The following EPS15L1 variants were observed in gnomAD, a reference collection of about 807,000 sequenced individuals.
EPS15L1 encodes the protein epidermal growth factor receptor pathway substrate 15 like 1, also known as epidermal growth factor receptor substrate 15-like 1.
Under a neutral mutation model 117.1 loss-of-function variants are expected in EPS15L1, and 43 were observed. The observed-to-expected ratio is 0.37, with a 90% CI of 0.29 to 0.47. The LOEUF (loss-of-function observed/expected upper bound fraction) is 0.47. EPS15L1 is among the 20% of genes least tolerant of loss of function. The pLI, the probability that EPS15L1 is intolerant of heterozygous loss-of-function variation, is 0.99. For synonymous variants in EPS15L1, 459 were observed against 470.5 expected (o/e 0.98, Z 0.32); for missense variants, 981 against 1,164.0 (o/e 0.84, Z 2.29).
rs2290667 is a variant in EPS15L1 at position 16,394,043 on chromosome 19, C to A, written c.1916-42G>T. 5,970 of 1,600,740 alleles carry A rather than the reference C, an allele frequency of 3.7e-3. 207 individuals are homozygous for A. In the East Asian group the frequency reaches 0.067, roughly 18 times the overall value. ...AGAAATGCTTATTAGCTCTAGGGCA[C>A]AGGATGCGGGCCGGGCCCTTGGACA... On this transcript the variant is annotated intron_variant, in intron 17 of 23. Coordinates refer to ENST00000455140, the MANE Select transcript of EPS15L1 (RefSeq NM_001258374.3).
intron 13 of EPS15L1, among the ~76,000 whole-genome samples, chr19:16,406,108 T>G (rs1454915177): frequency 6.6e-6 from 1 of 152,086 alleles, no homozygotes. Context: ...CAGCCTGGGC[T>G]GCTGGGGTGG....
intron 22 of EPS15L1, among the ~76,000 whole-genome samples, chr19:16,367,536 C>T (rs1251079178): frequency 6.9e-6 from 1 of 145,040 alleles, no homozygotes; most frequent in African/African-American, 2.6e-5. Context: ...ACTTGGTGGC[C>T]GGCTCCACCC....
In EPS15L1 at chr19:16,377,108, G is replaced by GAAAGCTTACTGACA. The variant is rs2092306373; in HGVS notation, c.2380+13_2380+14insTGTCAGTAAGCTTT. 1.3e-6 allele frequency: 2 copies of GAAAGCTTACTGACA among 1,586,386 alleles called. No individual in the cohort carries two copies. The highest frequency in any genetic ancestry group is 3.8e-5 in the Admixed American group (2 of 53,172). On this transcript the variant is annotated intron_variant, in intron 22 of 23. Transcript: ENST00000455140. ...CCGGTAGGCGGTGGCTGCGAGAGAA[G>GAAAGCTTACTGACA]AAAGCTTACTGACCGCTGGGCGGTT...
At chr19:16,433,255 G>C (rs954986138) in intron 7 of EPS15L1, among the ~76,000 whole-genome samples, 4 of 151,910 alleles carry the variant, frequency 2.6e-5, no homozygotes, top group Non-Finnish European at 4.4e-5. Context: ...AGCCTCCCAA[G>C]TGTCTGGGAT....
intron 3 of EPS15L1, 112 bp downstream of exon 3, chr19:16,441,780 C>CT (rs1180854251): frequency 2.6e-6 from 2 of 783,636 alleles, no homozygotes; most frequent in East Asian, 5.1e-5. Flanking sequence ...GACCAGGCCA[C>CT]TACCCAGGAG....
At chr19:16,436,824 AAAATGTTCTGAACAACATC>A in intron 6 of EPS15L1, 94 bp downstream of exon 6, 3 of 836,950 alleles carry the variant, frequency 3.6e-6, no homozygotes, top group Non-Finnish European at 3.8e-6. Context: ...ATCATCCTAT[AAAATGTTCTGAACAACATC>A]AAACTAGAAC....
intron 1 of EPS15L1, among the ~76,000 whole-genome samples, chr19:16,469,562 C>T (rs1279770167): frequency 3.3e-5 from 5 of 152,054 alleles, no homozygotes; most frequent in Non-Finnish European, 1.5e-5. Context: ...GAGGTGCAGA[C>T]CTTTCGAATT....
chr19:16,436,914 G>A, intron 6 of EPS15L1, 23 bp downstream of exon 6: 8 of 1,591,764 alleles, frequency 5.0e-6, no homozygotes, highest in Non-Finnish European at 6.9e-6. Context: ...GAGCCAAGGA[G>A]GGAGCTATTC....
chr19:16,355,814 C>G lies in EPS15L1; in HGVS notation c.2624G>C (p.Arg875Pro), dbSNP rs988422900. ...CTCCTGTTCCGCCTTCTCGCTCTCC[C>G]GCTTGGCCCACGCCAGCTGCTGCTC... Reference protein sequence around the residue: ...NEEQQLAWAKRESEKAEQERL... With the variant: ...NEEQQLAWAKPESEKAEQERL... The change falls in exon 24 of 24, where the codon CGG (arginine) becomes CCG (proline). Residue 875 changes from arginine to proline, a missense_variant. Arg to Pro is a moderately radical substitution (Grantham distance 103, BLOSUM62 -2). This residue lies in a region of EPS15L1 where 819 missense variants were observed against 949.0 expected (regional missense o/e 0.86). Coordinates refer to ENST00000455140, the MANE Select transcript of EPS15L1 (RefSeq NM_001258374.3). 2 of 1,536,140 alleles carry G rather than the reference C, an allele frequency of 1.3e-6. No homozygotes were observed. Among genetic ancestry groups the G allele is most frequent in the Non-Finnish European group, 1.7e-6 (2 of 1,146,858 alleles).
At chr19:16,450,763 G>T (rs1264907999) in intron 1 of EPS15L1, among the ~76,000 whole-genome samples, 1 of 151,420 alleles carries the variant, frequency 6.6e-6, no homozygotes, top group Non-Finnish European at 1.5e-5. Context: ...GATTACAGGC[G>T]TGAGCCACCA....
At chr19:16,440,212 C>T (rs1453734127) in intron 4 of EPS15L1, among the ~76,000 whole-genome samples, 3 of 152,082 alleles carry the variant, frequency 2.0e-5, no homozygotes, top group African/African-American at 4.8e-5. Flanking sequence ...GTGGGCAGAT[C>T]ACCTGAGGTC....
chr19:16,355,480 G>A lies in EPS15L1; in HGVS notation c.*225C>T, dbSNP rs2091968541. On this transcript the variant is annotated 3_prime_UTR_variant, in exon 24 of 24. Coordinates refer to ENST00000455140, the MANE Select transcript of EPS15L1 (RefSeq NM_001258374.3). ...TCAGCCCCGGGGGGGATGGCACAGTGGAGAGACGGACCTGCAGAAGTGGTG... is the reference window on the plus strand; with the variant it reads ...TCAGCCCCGGGGGGGATGGCACAGTAGAGAGACGGACCTGCAGAAGTGGTG... 2 of 550,204 alleles carry A rather than the reference G, an allele frequency of 3.6e-6. No individual in the cohort carries two copies. The highest frequency in any genetic ancestry group is 6.3e-5 in the Admixed American group (2 of 31,680). 34.1% of individuals were successfully genotyped at this position (550,204 alleles called of 1,614,324 possible). A position where few individuals can be genotyped will look rare whatever the true frequency, so the allele number is the denominator to read the frequency against.
chr19:16,417,709 C>A, intron 11 of EPS15L1, 72 bp from the exon 12 acceptor site: 1 of 1,360,940 alleles, frequency 7.3e-7, no homozygotes, highest in Non-Finnish European at 1.0e-6. Flanking sequence ...ACCAGCAGTT[C>A]TCGGGCCCAG....
chr19:16,362,983 A>G (rs1301756365), intron 22 of EPS15L1, among the ~76,000 whole-genome samples: 3 of 152,106 alleles, frequency 2.0e-5, no homozygotes, highest in Non-Finnish European at 4.4e-5. Flanking sequence ...ATGGAGGAAA[A>G]TGACACTGTG....
At chr19:16,421,682 A>G (rs1038685139) in intron 9 of EPS15L1, among the ~76,000 whole-genome samples, 8 of 152,028 alleles carry the variant, frequency 5.3e-5, no homozygotes, top group Non-Finnish European at 7.4e-5. Flanking sequence ...GGCTCTGTGA[A>G]GCTCACCCAG....
chr19:16,448,008 G>A lies in EPS15L1; in HGVS notation c.34-5789C>T, dbSNP rs573150739. ...CAAAAGTATTTCAGGAGGAAGGAAA[G>A]CCTTTCCACAAAGGGCACTGGAGCA... On this transcript the variant is annotated intron_variant, in intron 1 of 23. Coordinates refer to ENST00000455140, the MANE Select transcript of EPS15L1 (RefSeq NM_001258374.3). Among the ~76,000 whole-genome samples the A allele has an allele frequency of 3.9e-5, 6 of 152,298 alleles. No individual in the cohort carries two copies. The East Asian group carries it at 9.6e-4, about 24-fold the overall frequency.
intron 22 of EPS15L1, 96 bp from the exon 23 acceptor site, chr19:16,362,080 C>A (rs2092063002): frequency 1.7e-5 from 22 of 1,289,644 alleles, no homozygotes; most frequent in Non-Finnish European, 2.2e-5. Context: ...GCCCGGGGCG[C>A]TTCTCTGAGA....
intron 10 of EPS15L1, among the ~76,000 whole-genome samples, chr19:16,420,991 C>T (rs1466301456): frequency 6.6e-6 from 1 of 152,272 alleles, no homozygotes; most frequent in East Asian, 1.9e-4. Context: ...GCGGCTGTGA[C>T]AAAGTCCAGG....
Position 16,379,162 on chromosome 19 carries a change from G to A in EPS15L1, c.2248-1908C>T, listed in dbSNP as rs569008680. 1.6e-4 allele frequency among the ~76,000 whole-genome samples: 25 copies of A among 152,220 alleles called. No homozygotes were observed. In the South Asian group the frequency reaches 4.8e-3, roughly 29 times the overall value. On this transcript the variant is annotated intron_variant, in intron 21 of 23. Transcript: ENST00000455140. Reference sequence around the variant, plus strand: ...CTACTAAAAATACAAAAAATTAGCCGGTCGTGGTGGCGGGCGCCTGTAGTC... The same window carrying A: ...CTACTAAAAATACAAAAAATTAGCCAGTCGTGGTGGCGGGCGCCTGTAGTC...
Sources: gnomAD v4.1 joint callset for allele counts (sites outside exome capture counted in the v4.1 genomes callset) on GRCh38, gnomAD v4.1.1 for gene constraint, gnomAD v4.1.1 regional missense constraint, MANE v1.5 for transcripts, NCBI Gene and HGNC (gene_info 2026-07-23, HGNC 2026-07-21) for gene names.